Variants in STK24 observed in about 807,000 individuals in gnomAD.
STK24 encodes serine/threonine-protein kinase 24.
In STK24, 21 loss-of-function variants were observed where a neutral mutation model predicts 55.6. That is an observed-to-expected ratio of 0.38 (90% CI 0.27 to 0.54). The LOEUF is 0.54. STK24 is among the 20% of genes least tolerant of loss of function. STK24 has a pLI of 0.79. For missense variants in STK24, 383 were observed against 538.4 expected (o/e 0.71, Z 2.86); for synonymous variants, 200 against 215.2 (o/e 0.93, Z 0.62).
At chr13:98,478,011 G>A (rs1390550042) in intron 3 of STK24, among the ~76,000 whole-genome samples, 10 of 152,130 alleles carry the variant, frequency 6.6e-5, no homozygotes, top group Admixed American at 5.9e-4. Context: ...GAGGAGGAAG[G>A]GGAGAAAAAG....
intron 1 of STK24, among the ~76,000 whole-genome samples, chr13:98,542,040 G>A (rs924502055): frequency 2.6e-5 from 4 of 152,126 alleles, no homozygotes; most frequent in South Asian, 2.1e-4. Context: ...ATCTCCACCC[G>A]CTGTTCTCCA....
chr13:98,570,574 C>T (rs1387003975), intron 1 of STK24, among the ~76,000 whole-genome samples: 1 of 152,142 alleles, frequency 6.6e-6, no homozygotes, highest in Non-Finnish European at 1.5e-5. Flanking sequence ...CTTTTGCTGA[C>T]GAAGAACCCT....
chr13:98,518,408 G>GA (rs1172363846), intron 2 of STK24, among the ~76,000 whole-genome samples: 1 of 152,214 alleles, frequency 6.6e-6, no homozygotes, highest in Non-Finnish European at 1.5e-5. Flanking sequence ...GCCTCCCCTG[G>GA]AAAATCATCA....
intron 1 of STK24, among the ~76,000 whole-genome samples, chr13:98,571,156 G>T (rs560888355): frequency 2.6e-5 from 4 of 152,280 alleles, no homozygotes; most frequent in African/African-American, 9.6e-5. Context: ...TAGAGTGTGT[G>T]TAACCGCACA....
At chr13:98,477,790 C>CT (rs1287389295) in intron 3 of STK24, among the ~76,000 whole-genome samples, 8 of 152,294 alleles carry the variant, frequency 5.3e-5, no homozygotes, top group African/African-American at 1.9e-4. Flanking sequence ...ACTTAACCAC[C>CT]TCCCTTCCAT....
chr13:98,475,368 GA>G lies in STK24; in HGVS notation c.331-11del, dbSNP rs762004230. 4 of 1,564,822 alleles carry G rather than the reference GA, an allele frequency of 2.6e-6. No individual in the cohort carries two copies. Among genetic ancestry groups the G allele is most frequent in the Non-Finnish European group, 3.5e-6 (4 of 1,153,724 alleles). On this transcript the variant is annotated splice_polypyrimidine_tract_variant and intron_variant, in intron 3 of 10. Coordinates refer to ENST00000539966, the MANE Select transcript of STK24 (RefSeq NM_001032296.4). ...ATGGGCCAGGTTCTAACTAAGAAGAGAAAAAAATTCTTAAAGTTACTTAAAT... is the reference window on the plus strand; with the variant it reads ...ATGGGCCAGGTTCTAACTAAGAAGAGAAAAAATTCTTAAAGTTACTTAAAT...
At chr13:98,533,565 A>G (rs147667277) in intron 1 of STK24, among the ~76,000 whole-genome samples, 1 of 152,054 alleles carries the variant, frequency 6.6e-6, no homozygotes, top group East Asian at 1.9e-4. Context: ...TGGGAGAATC[A>G]CTTGAGCCCA....
intron 7 of STK24, among the ~76,000 whole-genome samples, chr13:98,463,412 C>A (rs1893794491): frequency 1.3e-5 from 2 of 152,218 alleles, no homozygotes; most frequent in Middle Eastern, 3.4e-3. Context: ...GAAAACAGAA[C>A]AGAACAGAAC....
intron 2 of STK24, among the ~76,000 whole-genome samples, chr13:98,499,378 C>T (rs1184561130): frequency 6.6e-6 from 1 of 152,204 alleles, no homozygotes; most frequent in African/African-American, 2.4e-5. Flanking sequence ...GGTGGGGATG[C>T]GGCACCTGCA....
At chr13:98,481,659 G>A (rs1179594207) in intron 3 of STK24, among the ~76,000 whole-genome samples, 1 of 152,208 alleles carries the variant, frequency 6.6e-6, no homozygotes, top group East Asian at 1.9e-4. Flanking sequence ...CTACCCAGCT[G>A]TTCTCAGTTG....
In STK24 at chr13:98,482,340, A is replaced by G. The variant is rs746351269; in HGVS notation, c.274-19T>C. 2 of 1,460,536 alleles carry G rather than the reference A, an allele frequency of 1.4e-6. No individual in the cohort carries two copies. Among genetic ancestry groups the G allele is most frequent in the Admixed American group, 2.1e-5 (1 of 46,592 alleles). The allele number at this position is 1,460,536 out of a possible 1,614,324, so 90.5% of individuals were successfully genotyped here. A position where few individuals can be genotyped will look rare whatever the true frequency, so the allele number is the denominator to read the frequency against. On this transcript the variant is annotated intron_variant, in intron 2 of 10. Coordinates refer to ENST00000539966, the MANE Select transcript of STK24 (RefSeq NM_001032296.4). ...TTGTATCCTATAAAACAAAAAAAAG[A>G]AGAGAATCATTTTCAAAATGAATCC...
intron 1 of STK24, among the ~76,000 whole-genome samples, chr13:98,519,912 C>CAGCT (rs1896200521): frequency 6.6e-6 from 1 of 152,062 alleles, no homozygotes; most frequent in Non-Finnish European, 1.5e-5. Context: ...AAATGTTAAC[C>CAGCT]AGCTATATCA....
chr13:98,475,705 G>C (rs1487968400), intron 3 of STK24, among the ~76,000 whole-genome samples: 1 of 151,844 alleles, frequency 6.6e-6, no homozygotes, highest in Non-Finnish European at 1.5e-5. Flanking sequence ...GGAAGCCCAC[G>C]ACCCGGCCTG....
intron 2 of STK24, among the ~76,000 whole-genome samples, chr13:98,487,419 A>C (rs1894849346): frequency 6.6e-6 from 1 of 152,234 alleles, no homozygotes; most frequent in Non-Finnish European, 1.5e-5. Context: ...TTAATTAATA[A>C]ATTCTGGAGT....
Position 98,446,986 on chromosome 13 carries a change from G to A in STK24, c.*6187C>T, listed in dbSNP as rs1281428655. Reference sequence around the variant, plus strand: ...CACCAGCAGGCGATTCTGTTCTCATGGCAGAAAGTGGGGTCCCAACTTCCC... The same window carrying A: ...CACCAGCAGGCGATTCTGTTCTCATAGCAGAAAGTGGGGTCCCAACTTCCC... On this transcript the variant is annotated 3_prime_UTR_variant, in exon 11 of 11. Coordinates refer to ENST00000539966, the MANE Select transcript of STK24 (RefSeq NM_001032296.4). The A allele has an allele frequency of 7.5e-6, 5 of 667,386 alleles. No homozygotes were observed. The highest frequency in any genetic ancestry group is 5.6e-5 in the Admixed American group (2 of 35,492). 41.3% of individuals were successfully genotyped at this position (667,386 alleles called of 1,614,324 possible).
intron 1 of STK24, among the ~76,000 whole-genome samples, chr13:98,519,832 TC>T (rs1220941012): frequency 1.3e-5 from 2 of 152,230 alleles, no homozygotes; most frequent in Non-Finnish European, 2.9e-5. Context: ...ATCACTTTTG[TC>T]TAAGCAAAAA....
chr13:98,465,350 G>A (rs1893887255), intron 6 of STK24, among the ~76,000 whole-genome samples: 1 of 152,240 alleles, frequency 6.6e-6, no homozygotes, highest in Non-Finnish European at 1.5e-5. Context: ...CAGCTCCTCG[G>A]TAGCTGTGGG....
chr13:98,568,516 G>A (rs761635146), intron 1 of STK24, among the ~76,000 whole-genome samples: 1 of 152,124 alleles, frequency 6.6e-6, no homozygotes, highest in Non-Finnish European at 1.5e-5. Context: ...AAAAATTGAG[G>A]ATATATGGAC....
At chr13:98,549,527 C>T (rs1897110655) in intron 1 of STK24, among the ~76,000 whole-genome samples, 1 of 152,156 alleles carries the variant, frequency 6.6e-6, no homozygotes. Context: ...GTGCTGTCCT[C>T]ATAATAGTGA....
Sources: allele counts gnomAD v4.1 joint callset (sites outside exome capture counted in the v4.1 genomes callset), GRCh38; gene constraint gnomAD v4.1.1; transcripts MANE v1.5; gene names NCBI Gene and HGNC (gene_info 2026-07-23, HGNC 2026-07-21).